RAB40B: variants seen among roughly 807,000 people sequenced by gnomAD.
RAB40B encodes ras-related protein Rab-40B.
Under a neutral mutation model 24.0 loss-of-function variants are expected in RAB40B, and 21 were observed. The observed-to-expected ratio is 0.88, with a 90% CI of 0.62 to 1.26. The LOEUF (loss-of-function observed/expected upper bound fraction) is 1.26. Among genes scored for constraint, RAB40B ranks in the 50% most tolerant of loss-of-function variants. RAB40B has a pLI of 0.00. For synonymous variants in RAB40B, 167 were observed against 169.8 expected (o/e 0.98, Z 0.13); for missense variants, 348 against 390.5 (o/e 0.89, Z 0.92).
chr17:82,658,611 C>T lies in RAB40B; in HGVS notation c.445G>A (p.Gly149Ser), dbSNP rs764146112. 4 of 1,613,242 alleles carry T rather than the reference C, an allele frequency of 2.5e-6. No homozygotes were observed. The highest frequency in any genetic ancestry group is 2.5e-6 in the Non-Finnish European group (3 of 1,179,998). ...EQAQAYAERLGVTFFEVSPLC... is the reference protein window; with the variant it reads ...EQAQAYAERLSVTFFEVSPLC... The stretch of plus-strand genomic sequence containing the variant: ...GGGCTGACCTCAAAGAAGGTCACGC[C>T]CAGGCGCTCGGCGTAGGCCTGGGCC... The change falls in exon 5 of 6, where the codon GGC (glycine) becomes AGC (serine). Residue 149 changes from glycine (G) to serine (S), a missense_variant. Around this residue, in one of 3 missense-constraint regions of RAB40B, gnomAD observed 126 missense variants for 181.0 expected, o/e 0.70. Transcript: ENST00000571995.
intron 3 of RAB40B, among the ~76,000 whole-genome samples, chr17:82,659,979 G>A (rs560177482): frequency 2.0e-5 from 3 of 152,338 alleles, no homozygotes; most frequent in South Asian, 4.1e-4. Context: ...TGGATTGCAC[G>A]CATACACGTG....
At chr17:82,686,578 A>G (rs914832371) in intron 1 of RAB40B, among the ~76,000 whole-genome samples, 13 of 152,312 alleles carry the variant, frequency 8.5e-5, no homozygotes, top group African/African-American at 2.9e-4. Flanking sequence ...CGGTGCTGCC[A>G]CAGGCCACAG....
chr17:82,675,415 A>G lies in RAB40B; in HGVS notation c.143-10859T>C, dbSNP rs928412092. 6.6e-6 allele frequency among the ~76,000 whole-genome samples: 1 copy of G among 152,238 alleles called. No homozygotes were observed. The highest frequency in any genetic ancestry group is 1.5e-5 in the Non-Finnish European group (1 of 68,042). On this transcript the variant is annotated intron_variant, in intron 1 of 5. Coordinates refer to ENST00000571995, the MANE Select transcript of RAB40B (RefSeq NM_006822.3). This position sits in a 1 kb window ranked among gnomAD's most constrained non-coding sequence, Gnocchi z 4.5. ...ACCAAGCGCTGGCTTCCTTCACAGC[A>G]GCACTTGGCCCTTCTCCCGAATCTA...
chr17:82,694,617 C>T (rs1354723469), intron 1 of RAB40B, among the ~76,000 whole-genome samples: 1 of 151,388 alleles, frequency 6.6e-6, no homozygotes, highest in Non-Finnish European at 1.5e-5. Context: ...TTAACACAAA[C>T]ATTCAACTCT....
chr17:82,667,745 C>T lies in RAB40B; in HGVS notation c.143-3189G>A, dbSNP rs2046275762. Among the ~76,000 whole-genome samples, 2 of 152,194 alleles carry T rather than the reference C, an allele frequency of 1.3e-5. No homozygotes were observed. Among genetic ancestry groups the T allele is most frequent in the Non-Finnish European group, 2.9e-5 (2 of 68,038 alleles). On this transcript the variant is annotated intron_variant, in intron 1 of 5. Coordinates refer to ENST00000571995, the MANE Select transcript of RAB40B (RefSeq NM_006822.3). This position sits in a 1 kb window ranked among gnomAD's most constrained non-coding sequence, Gnocchi z 4.3. ...AGAGTGATTCAGAGGACAAAAGATA[C>T]AGCAGCACTGAGAACGCCCGAAGCA...
chr17:82,686,672 C>T (rs1416132750), intron 1 of RAB40B, among the ~76,000 whole-genome samples: 2 of 152,190 alleles, frequency 1.3e-5, no homozygotes, highest in Non-Finnish European at 2.9e-5. Context: ...GGAGCGTGGC[C>T]CAGGCAACAC....
chr17:82,659,765 A>G (rs2046138534), intron 3 of RAB40B, 108 bp from the exon 4 acceptor site: 2 of 827,732 alleles, frequency 2.4e-6, no homozygotes, highest in East Asian at 2.6e-5. Context: ...ATTTTAACAC[A>G]AAGTACATAA....
At position 82,692,015 on chromosome 17, in the gene RAB40B, G is replaced by A. The variant is rs1460247436; in HGVS notation, c.142+6440C>T. ...ACCAGCAGAGCAGTGGGGCCCGCAC[G>A]GTCCGTGGGCTGAGGTGACAGGCAG... On this transcript the variant is annotated intron_variant, in intron 1 of 5. Coordinates refer to ENST00000571995, the MANE Select transcript of RAB40B (RefSeq NM_006822.3). The surrounding 1 kb of genome is among the most constrained non-coding windows in gnomAD (Gnocchi z 4.0). Among the ~76,000 whole-genome samples, 4 of 151,012 alleles carry A rather than the reference G, an allele frequency of 2.6e-5. No homozygotes were observed. Among genetic ancestry groups the A allele is most frequent in the African/African-American group, 7.3e-5 (3 of 41,030 alleles).
chr17:82,690,370 C>T (rs1284468865), intron 1 of RAB40B, among the ~76,000 whole-genome samples: 1 of 145,604 alleles, frequency 6.9e-6, no homozygotes, highest in Non-Finnish European at 1.5e-5. Context: ...AGGGGGAGAT[C>T]TGCAGAATTG....
intron 1 of RAB40B, among the ~76,000 whole-genome samples, chr17:82,695,607 G>C (rs556298699): frequency 5.0e-4 from 75 of 150,810 alleles, no homozygotes; most frequent in Non-Finnish European, 8.0e-4. Flanking sequence ...CATTTGAGGA[G>C]GCCAAAAAAG....
At position 82,667,496 on chromosome 17, in the gene RAB40B, A is replaced by G. The variant is rs2046272480; in HGVS notation, c.143-2940T>C. ...CCTCCCTCCCACAGCTGCTGTGTCCAGCCTGTCCCCTGCCCTCTGCTTCCT... is the reference window on the plus strand; with the variant it reads ...CCTCCCTCCCACAGCTGCTGTGTCCGGCCTGTCCCCTGCCCTCTGCTTCCT... On this transcript the variant is annotated intron_variant, in intron 1 of 5. Transcript: ENST00000571995. The surrounding 1 kb of genome is among the most constrained non-coding windows in gnomAD (Gnocchi z 4.3). 1.3e-5 allele frequency among the ~76,000 whole-genome samples: 2 copies of G among 152,088 alleles called. No individual in the cohort carries two copies. Among genetic ancestry groups the G allele is most frequent in the South Asian group, 4.1e-4 (2 of 4,830 alleles).
At position 82,675,159 on chromosome 17, in the gene RAB40B, G is replaced by A. The variant is rs570554409; in HGVS notation, c.143-10603C>T. 3.0e-3 allele frequency among the ~76,000 whole-genome samples: 453 copies of A among 152,270 alleles called. 1 individual carries two copies. The highest frequency in any genetic ancestry group is 9.2e-3 in the African/African-American group (383 of 41,554). On this transcript the variant is annotated intron_variant, in intron 1 of 5. Coordinates refer to ENST00000571995, the MANE Select transcript of RAB40B (RefSeq NM_006822.3). This position sits in a 1 kb window ranked among gnomAD's most constrained non-coding sequence, Gnocchi z 4.5. ...ACATCTTCCCCAAGCAAAGTACAAT[G>A]ACCTCCACATCCCGGAATTTCACTA...
Position 82,663,083 on chromosome 17 carries a change from G to A in RAB40B, c.203+1413C>T, listed in dbSNP as rs957207099. ...GGTGGGGAGCAGGACAGGGGCTGAC[G>A]GCAACCCCAACGCCAGCCCAGCGAG... On this transcript the variant is annotated intron_variant, in intron 2 of 5. Transcript: ENST00000571995. This position sits in a 1 kb window ranked among gnomAD's most constrained non-coding sequence, Gnocchi z 6.2. Among the ~76,000 whole-genome samples, 11 of 152,254 alleles carry A rather than the reference G, an allele frequency of 7.2e-5. No individual in the cohort carries two copies. Among genetic ancestry groups the A allele is most frequent in the South Asian group, 4.1e-4 (2 of 4,828 alleles).
chr17:82,680,478 C>T (rs1212382343), intron 1 of RAB40B, among the ~76,000 whole-genome samples: 2 of 152,174 alleles, frequency 1.3e-5, no homozygotes, highest in South Asian at 2.1e-4. Context: ...GGCTGCCTGA[C>T]ACTCTTTGCT....
At position 82,675,098 on chromosome 17, in the gene RAB40B, C is replaced by G. The variant is rs1311815089; in HGVS notation, c.143-10542G>C. On this transcript the variant is annotated intron_variant, in intron 1 of 5. Transcript: ENST00000571995. This position sits in a 1 kb window ranked among gnomAD's most constrained non-coding sequence, Gnocchi z 4.5. ...AGAGAGAGAGAAAACATCTGACACC[C>G]CCTAAACTGGGAAAAGCTACAAAGG... is the stretch of plus-strand genomic sequence containing the variant. Among the ~76,000 whole-genome samples, 1 of 152,158 alleles carries G rather than the reference C, an allele frequency of 6.6e-6. No individual in the cohort carries two copies. Among genetic ancestry groups the G allele is most frequent in the East Asian group, 1.9e-4 (1 of 5,196 alleles).
At chr17:82,672,461 A>G (rs1401785829) in intron 1 of RAB40B, among the ~76,000 whole-genome samples, 1 of 152,244 alleles carries the variant, frequency 6.6e-6, no homozygotes, top group Admixed American at 6.5e-5. Flanking sequence ...TCCATTCTAC[A>G]CTGTCATAAC....
In RAB40B at chr17:82,658,594, C is replaced by G. The variant is rs1165987370; in HGVS notation, c.462G>C (p.Glu154Asp). The G allele has an allele frequency of 6.2e-7, 1 of 1,613,534 alleles. No homozygotes were observed. The highest frequency in any genetic ancestry group is 8.5e-7 in the Non-Finnish European group (1 of 1,179,994). Residue 154 changes from glutamate (E) to aspartate (D), a missense_variant, in exon 5 of 6, where the codon GAG becomes GAC. This residue lies in a region of RAB40B where 126 missense variants were observed against 181.0 expected (regional missense o/e 0.70). Coordinates refer to ENST00000571995, the MANE Select transcript of RAB40B (RefSeq NM_006822.3). ...TGTTGAAATTGCACAGAGGGCTGAC[C>G]TCAAAGAAGGTCACGCCCAGGCGCT... ...YAERLGVTFF[E>D]VSPLCNFNIT...
At position 82,657,708 on chromosome 17, in the gene RAB40B, G is replaced by A. The variant is rs759119048; in HGVS notation, c.*155C>T. ...TCCACGTAGAAATTCGAAGTCCGACGGGGTAGTGTGTTTCCATCACACGGA... is the reference window on the plus strand; with the variant it reads ...TCCACGTAGAAATTCGAAGTCCGACAGGGTAGTGTGTTTCCATCACACGGA... On this transcript the variant is annotated 3_prime_UTR_variant, in exon 6 of 6. Transcript: ENST00000571995. 5.3e-5 allele frequency: 49 copies of A among 932,150 alleles called. No homozygotes were observed. The highest frequency in any genetic ancestry group is 4.9e-4 in the African/African-American group (30 of 61,790). The allele number at this position is 932,150 out of a possible 1,614,324, so 57.7% of individuals were successfully genotyped here.
In RAB40B at chr17:82,661,059, G is replaced by T. The variant is rs746827771; in HGVS notation, c.204-12C>A. The T allele has an allele frequency of 1.3e-5, 21 of 1,613,732 alleles. No homozygotes were observed. In the African/African-American group the frequency reaches 1.5e-4, roughly 11 times the overall value. On this transcript the variant is annotated splice_polypyrimidine_tract_variant and intron_variant, in intron 2 of 5. Coordinates refer to ENST00000571995, the MANE Select transcript of RAB40B (RefSeq NM_006822.3). ...GGCCTGAAGTATCCCTGGAAAAGATGTTGGAGACCATTAAGAAGAAACCAG... is the reference window on the plus strand; with the variant it reads ...GGCCTGAAGTATCCCTGGAAAAGATTTTGGAGACCATTAAGAAGAAACCAG...
Sources: gnomAD v4.1 joint callset for allele counts (sites outside exome capture counted in the v4.1 genomes callset) on GRCh38, gnomAD v4.1.1 for gene constraint, gnomAD v4.1.1 regional missense constraint, Gnocchi (gnomAD v3.1) non-coding constraint, MANE v1.5 for transcripts, NCBI Gene and HGNC (gene_info 2026-07-23, HGNC 2026-07-21) for gene names.